INTS6: variants seen among roughly 807,000 people sequenced by gnomAD.
INTS6 encodes the protein integrator complex subunit 6.
A neutral mutation model predicts 104.9 loss-of-function variants in INTS6; 16 were observed. The observed-to-expected ratio is 0.15, with a 90% CI of 0.10 to 0.23. The LOEUF (loss-of-function observed/expected upper bound fraction) is 0.23. Among genes scored for constraint, INTS6 ranks in the 10% least tolerant of loss-of-function variants. The pLI is 1.00. For missense variants in INTS6, 584 were observed against 1,062.8 expected, an observed-to-expected ratio of 0.55 and a Z score of 6.26; for synonymous variants, 324 against 358.7, an observed-to-expected ratio of 0.90 and a Z score of 1.09.
intron 15 of INTS6, among the ~76,000 whole-genome samples, chr13:51,373,179 T>C (rs951374183): frequency 2.0e-5 from 3 of 151,802 alleles, no homozygotes; most frequent in African/African-American, 7.3e-5. Flanking sequence ...TTTGATTACA[T>C]TGATGTTCAA....
intron 7 of INTS6, among the ~76,000 whole-genome samples, chr13:51,386,259 T>A (rs999821431): frequency 1.3e-5 from 2 of 152,308 alleles, no homozygotes; most frequent in East Asian, 3.9e-4. Context: ...TGGATTTCTT[T>A]CCATTACAAC....
intron 4 of INTS6, among the ~76,000 whole-genome samples, chr13:51,401,723 CAG>C (rs1189842049): frequency 6.6e-6 from 1 of 152,028 alleles, no homozygotes; most frequent in African/African-American, 2.4e-5. Context: ...AAACAACAAA[CAG>C]AGAGCTTCAG....
intron 3 of INTS6, chr13:51,449,881 T>C: frequency 2.0e-6 from 2 of 985,350 alleles, no homozygotes; most frequent in Non-Finnish European, 2.4e-6. Flanking sequence ...TAACTAAACG[T>C]TGGAAGTTCA....
At chr13:51,445,830 G>A (rs183699170) in intron 3 of INTS6, 1 of 152,196 alleles carries the variant, frequency 6.6e-6, no homozygotes, top group South Asian at 2.1e-4. Flanking sequence ...ATTCAAATGG[G>A]AAAGGGCAAG....
At chr13:51,431,478 T>C (rs1035772389) in intron 3 of INTS6, among the ~76,000 whole-genome samples, 4 of 152,172 alleles carry the variant, frequency 2.6e-5, no homozygotes, top group African/African-American at 7.2e-5. Flanking sequence ...CCACAGACCA[T>C]ACTTAGAACA....
chr13:51,409,495 T>A (rs530272089), intron 4 of INTS6, among the ~76,000 whole-genome samples: 3 of 151,942 alleles, frequency 2.0e-5, no homozygotes, highest in Non-Finnish European at 4.4e-5. Flanking sequence ...GAAACAGTTA[T>A]GATACCATCT....
chr13:51,380,626 A>C lies in INTS6; in HGVS notation c.1276-1054T>G, dbSNP rs61956939. ...CATGATTTTTAAAGCTCAAGAAATT[A>C]ATCTCCTAATTATATTAGGGATGAT... On this transcript the variant is annotated intron_variant, in intron 10 of 17. Coordinates refer to ENST00000311234, the MANE Select transcript of INTS6 (RefSeq NM_012141.3). 7.7e-3 allele frequency among the ~76,000 whole-genome samples: 1,180 copies of C among 152,326 alleles called. 10 individuals are homozygous for C. The highest frequency in any genetic ancestry group is 0.02 in the South Asian group (95 of 4,832).
chr13:51,335,209 G>C, the INTS6 span, among the ~76,000 whole-genome samples: 1 of 152,092 alleles, frequency 6.6e-6, no homozygotes, highest in African/African-American at 2.4e-5. Context: ...ATCATGAAGA[G>C]AGTAAATAGA....
intron 4 of INTS6, among the ~76,000 whole-genome samples, chr13:51,399,522 T>C (rs901039419): frequency 3.9e-5 from 6 of 152,252 alleles, no homozygotes; most frequent in African/African-American, 1.4e-4. Context: ...TGCATTTCTG[T>C]TGAGTATATA....
At chr13:51,375,730 AGTGGGTGT>A (rs1332708026) in intron 13 of INTS6, among the ~76,000 whole-genome samples, 26 of 126,878 alleles carry the variant, frequency 2.0e-4, no homozygotes, top group East Asian at 1.5e-3. Flanking sequence ...CAGTTTGATA[AGTGGGTGT>A]GTGTGTGTGT....
At chr13:51,388,086 C>T (rs573568677) in intron 6 of INTS6, among the ~76,000 whole-genome samples, 2 of 152,202 alleles carry the variant, frequency 1.3e-5, no homozygotes, top group African/African-American at 4.8e-5. Flanking sequence ...CAGCAACTAT[C>T]TTCAACAATC....
At chr13:51,449,586 A>C (rs981892198) in intron 3 of INTS6, 1 of 985,224 alleles carries the variant, frequency 1.0e-6, no homozygotes, top group African/African-American at 1.7e-5. Context: ...TAGTTCTGCC[A>C]TACACTAACA....
At chr13:51,442,973 T>C (rs1952825683) in intron 3 of INTS6, 1 of 152,184 alleles carries the variant, frequency 6.6e-6, no homozygotes, top group South Asian at 2.1e-4. Context: ...CAAGAAAGAC[T>C]AAATGTAACA....
At chr13:51,391,532 T>C (rs555552693) in intron 5 of INTS6, among the ~76,000 whole-genome samples, 19 of 152,334 alleles carry the variant, frequency 1.2e-4, no homozygotes, top group African/African-American at 3.8e-4. Context: ...TGTGTACTTA[T>C]TGTCTATGTC....
intron 12 of INTS6, among the ~76,000 whole-genome samples, chr13:51,376,847 TTATC>T (rs1479151874): frequency 6.6e-6 from 1 of 152,190 alleles, no homozygotes; most frequent in Non-Finnish European, 1.5e-5. Context: ...CACATCTTCT[TTATC>T]TATTCACCAG....
At chr13:51,342,068 C>T in the INTS6 span, among the ~76,000 whole-genome samples, 24 of 151,946 alleles carry the variant, frequency 1.6e-4, no homozygotes, top group African/African-American at 4.6e-4. Flanking sequence ...AGTGCCTCAG[C>T]TCAATGCCTG....
At chr13:51,430,969 C>T (rs1034384986) in intron 3 of INTS6, among the ~76,000 whole-genome samples, 6 of 151,970 alleles carry the variant, frequency 3.9e-5, no homozygotes, top group African/African-American at 1.4e-4. Flanking sequence ...AAATGGTTAC[C>T]TAAAGAAAAT....
chr13:51,444,071 T>C (rs1952850475), intron 3 of INTS6: 2 of 152,194 alleles, frequency 1.3e-5, no homozygotes, highest in South Asian at 4.2e-4. Context: ...ATTATTTGGT[T>C]TTTTGTTTGT....
chr13:51,395,263 C>A, intron 5 of INTS6, 37 bp downstream of exon 5: 1 of 1,560,630 alleles, frequency 6.4e-7, no homozygotes, highest in South Asian at 1.2e-5. Flanking sequence ...ATAAAATCTG[C>A]TTTAAGTTAC....
Sources: gnomAD v4.1 joint callset for allele counts (sites outside exome capture counted in the v4.1 genomes callset) on GRCh38, gnomAD v4.1.1 for gene constraint, MANE v1.5 for transcripts, NCBI Gene and HGNC (gene_info 2026-07-23, HGNC 2026-07-21) for gene names.